The following SOX6 variants were observed in gnomAD, a reference collection of about 807,000 sequenced individuals.
SOX6 encodes SRY-box transcription factor 6.
Under a neutral mutation model 97.8 loss-of-function variants are expected in SOX6, and 11 were observed. That is an observed-to-expected ratio of 0.11 (90% confidence interval 0.07 to 0.19). The LOEUF is 0.19. Ranked by LOEUF, SOX6 falls within the 10% of genes least tolerant of loss-of-function variation. SOX6 has a pLI of 1.00. For synonymous variants in SOX6, 360 were observed against 371.4 expected (o/e 0.97, Z 0.35); for missense variants, 810 against 1,039.5 (o/e 0.78, Z 3.04).
At chr11:16,260,409 A>T (rs1853850919) in intron 3 of SOX6, among the ~76,000 whole-genome samples, 1 of 152,180 alleles carries the variant, frequency 6.6e-6, no homozygotes, top group African/African-American at 2.4e-5. Flanking sequence ...TTTTAAAGTT[A>T]CTTCCCCATT....
Position 15,968,179 on chromosome 11 carries a change from G to A in SOX6, c.*4630C>T, listed in dbSNP as rs1590094579. On this transcript the variant is annotated 3_prime_UTR_variant, in exon 16 of 16. Coordinates refer to ENST00000683767, the MANE Select transcript of SOX6 (RefSeq NM_001367873.1). ...AAGGAAATGATGCAAGTGCTTTTGT[G>A]AAAGGACAAATGAGGTCATACAATA... 6.6e-6 allele frequency: 1 copy of A among 152,148 alleles called. No individual in the cohort carries two copies. The highest frequency in any genetic ancestry group is 1.5e-5 in the Non-Finnish European group (1 of 68,028). The allele number at this position is 152,148 out of a possible 1,614,324, so 9.4% of individuals were successfully genotyped here.
chr11:16,503,256 A>G (rs1397164920), intron 4 of SOX6, among the ~76,000 whole-genome samples: 3 of 134,660 alleles, frequency 2.2e-5, no homozygotes, highest in Non-Finnish European at 3.3e-5. Flanking sequence ...TACCACCATG[A>G]AAAAAAAAAA....
intron 3 of SOX6, among the ~76,000 whole-genome samples, chr11:16,287,680 C>T (rs1854793730): frequency 6.6e-6 from 1 of 152,012 alleles, no homozygotes; most frequent in South Asian, 2.1e-4. Flanking sequence ...TTTTATGAGG[C>T]TGAAATAAGG....
intron 4 of SOX6, among the ~76,000 whole-genome samples, chr11:16,563,205 A>G (rs1017612741): frequency 1.3e-5 from 2 of 152,304 alleles, no homozygotes; most frequent in Middle Eastern, 3.4e-3. Flanking sequence ...GCCTCAGCAG[A>G]GAAGTAGAAA....
intron 4 of SOX6, among the ~76,000 whole-genome samples, chr11:16,591,320 T>TAGATAGATAGATAGACAGATAGAC (rs879334616): frequency 1.3e-3 from 87 of 69,562 alleles, no homozygotes; most frequent in Non-Finnish European, 2.2e-3. Flanking sequence ...GTTAGATACA[T>TAGATAGATAGATAGACAGATAGAC]AGATAGATAG....
chr11:16,216,612 TAA>T (rs35605922), intron 4 of SOX6, among the ~76,000 whole-genome samples: 2,406 of 146,780 alleles, frequency 0.016, 52 homozygotes, highest in African/African-American at 0.054. Flanking sequence ...CTTTTCAGAC[TAA>T]AAAAAAAAAA....
chr11:16,601,636 A>G (rs1848271094), intron 4 of SOX6, among the ~76,000 whole-genome samples: 1 of 152,178 alleles, frequency 6.6e-6, no homozygotes, highest in Non-Finnish European at 1.5e-5. Context: ...AAGCCAATGT[A>G]TATTATCTTT....
At chr11:16,018,073 G>A (rs1271920635) in intron 12 of SOX6, among the ~76,000 whole-genome samples, 1 of 152,052 alleles carries the variant, frequency 6.6e-6, no homozygotes, top group Non-Finnish European at 1.5e-5. Context: ...GGCTCTCTAA[G>A]TGCTTTGAAA....
chr11:16,132,408 AGAAAGAAAG>A (rs1849811746), intron 6 of SOX6, among the ~76,000 whole-genome samples: 1 of 73,244 alleles, frequency 1.4e-5, no homozygotes, highest in Non-Finnish European at 2.7e-5. Context: ...GAAAAAAGAA[AGAAAGAAAG>A]AAAGAAAGAA....
At chr11:16,428,709 T>C (rs920077762) in intron 1 of SOX6, among the ~76,000 whole-genome samples, 2 of 152,214 alleles carry the variant, frequency 1.3e-5, no homozygotes, top group African/African-American at 2.4e-5. Context: ...ACCAGTACCA[T>C]GCTGTTTTGG....
intron 3 of SOX6, among the ~76,000 whole-genome samples, chr11:16,674,622 C>T: frequency 6.6e-6 from 1 of 152,014 alleles, no homozygotes; most frequent in East Asian, 1.9e-4. Flanking sequence ...AATCCCAGCA[C>T]TTTGGGAAGC....
chr11:16,510,200 C>G (rs1860856524), intron 4 of SOX6, among the ~76,000 whole-genome samples: 2 of 151,984 alleles, frequency 1.3e-5, no homozygotes, highest in African/African-American at 4.8e-5. Context: ...GATTCCACCC[C>G]ATTTGTTTGT....
chr11:16,688,297 C>T (rs1847984456), intron 3 of SOX6, among the ~76,000 whole-genome samples: 1 of 152,084 alleles, frequency 6.6e-6, no homozygotes, highest in African/African-American at 2.4e-5. Flanking sequence ...TAATGAGTTT[C>T]TTATGATTGG....
intron 4 of SOX6, among the ~76,000 whole-genome samples, chr11:16,583,629 A>ATATATG (rs1554976117): frequency 7.1e-6 from 1 of 140,088 alleles, no homozygotes; most frequent in African/African-American, 2.5e-5. Flanking sequence ...ATATATATAT[A>ATATATG]TATATATACA....
chr11:16,288,480 T>C (rs1213164628), intron 3 of SOX6, among the ~76,000 whole-genome samples: 1 of 152,024 alleles, frequency 6.6e-6, no homozygotes, highest in Non-Finnish European at 1.5e-5. Flanking sequence ...GTATCAGAAG[T>C]AGATATCTAA....
Position 16,737,133 on chromosome 11 carries a change from T to C in SOX6, n.220-661A>G, listed in dbSNP as rs148940847. On this transcript the variant is annotated intron_variant and non_coding_transcript_variant, in intron 1 of 5. Transcript: ENST00000524520. ...AGCAATTGCTGAGTTCAAAAGCTAA[T>C]AGCTAAGCATTGTTTCACAGACTGC... Among the ~76,000 whole-genome samples the C allele has an allele frequency of 1.9e-4, 29 of 152,344 alleles. No individual in the cohort carries two copies. The East Asian group carries it at 5.0e-3, about 26-fold the overall frequency.
chr11:15,980,708 T>G (rs1853629447), intron 15 of SOX6, among the ~76,000 whole-genome samples: 1 of 152,036 alleles, frequency 6.6e-6, no homozygotes, highest in African/African-American at 2.4e-5. Flanking sequence ...CTACTTCCCA[T>G]AAGTCTGACC....
intron 13 of SOX6, among the ~76,000 whole-genome samples, chr11:15,996,997 AACAG>A (rs1209064319): frequency 6.6e-6 from 1 of 152,192 alleles, no homozygotes; most frequent in Non-Finnish European, 1.5e-5. Flanking sequence ...AAGATGGGTC[AACAG>A]ACAAAGAGAG....
chr11:16,242,442 T>A (rs1853222248), intron 3 of SOX6, among the ~76,000 whole-genome samples: 1 of 151,928 alleles, frequency 6.6e-6, no homozygotes. Context: ...TCTGAATGTA[T>A]CCTCATTGTG....
Sources: gnomAD v4.1 joint callset for allele counts (sites outside exome capture counted in the v4.1 genomes callset) on GRCh38, gnomAD v4.1.1 for gene constraint, MANE v1.5 for transcripts, NCBI Gene and HGNC (gene_info 2026-07-23, HGNC 2026-07-21) for gene names.